ADAP1: variants seen among roughly 807,000 people sequenced by gnomAD.
ADAP1 encodes the protein arf-GAP with dual PH domain-containing protein 1.
ADAP1 carries 31 observed loss-of-function variants against 54.9 expected under a neutral mutation model. The ratio of observed to expected loss-of-function variants is 0.56; its 90% confidence interval spans 0.42 to 0.76. The LOEUF (loss-of-function observed/expected upper bound fraction) is 0.76. Among genes scored for constraint, ADAP1 ranks in the 30% least tolerant of loss-of-function variants. The pLI, the probability that ADAP1 is intolerant of heterozygous loss-of-function variation, is 0.00. For missense variants in ADAP1, 535 were observed against 512.4 expected, an observed-to-expected ratio of 1.04 and a Z score of -0.42; for synonymous variants, 313 against 202.6, an observed-to-expected ratio of 1.55 and a Z score of -4.63.
Position 898,459 on chromosome 7 carries a change from AAT to A in ADAP1, c.*460_*461del, listed in dbSNP as rs1844611548. Reference sequence around the variant, plus strand: ...CGTGACACACAACAGGCGCTCAATAAATAGTCGTGGAGGTGGGGGGAGGGCGG... The same window carrying A: ...CGTGACACACAACAGGCGCTCAATAAAGTCGTGGAGGTGGGGGGAGGGCGG... On this transcript the variant is annotated 3_prime_UTR_variant, in exon 11 of 11. Transcript: ENST00000265846. The A allele has an allele frequency of 4.2e-6, 1 of 236,266 alleles. No homozygotes were observed. The highest frequency in any genetic ancestry group is 5.0e-5 in the Admixed American group (1 of 19,924). The allele number at this position is 236,266 out of a possible 1,614,324, so 14.6% of individuals were successfully genotyped here.
intron 4 of ADAP1, among the ~76,000 whole-genome samples, chr7:914,956 A>G (rs541795097): frequency 4.8e-4 from 73 of 151,826 alleles, no homozygotes; most frequent in African/African-American, 1.8e-3. Flanking sequence ...CCCTGAGCAC[A>G]GGGCCATACG....
intron 9 of ADAP1, 23 bp from the exon 10 acceptor site, chr7:899,284 A>G: frequency 6.2e-7 from 1 of 1,611,626 alleles, no homozygotes; most frequent in Non-Finnish European, 8.5e-7. Context: ...ACCGCACTGG[A>G]GGCGGGGCCA....
chr7:918,800 C>G (rs61296767), intron 4 of ADAP1, among the ~76,000 whole-genome samples: 24,988 of 152,246 alleles, frequency 0.16, 2,186 homozygotes, highest in Middle Eastern at 0.22. Flanking sequence ...ACTCAAGGCC[C>G]ACAGTACCCG....
At chr7:939,019 G>C (rs1346787269) in intron 1 of ADAP1, among the ~76,000 whole-genome samples, 2 of 152,164 alleles carry the variant, frequency 1.3e-5, no homozygotes, top group East Asian at 3.9e-4. Context: ...ACAGAACCCA[G>C]GGAGCTGGGC....
At chr7:906,806 G>GGGTGACACGGGTGACATGGGTGACAC (rs60640246) in intron 4 of ADAP1, among the ~76,000 whole-genome samples, 4 of 44,468 alleles carry the variant, frequency 9.0e-5, no homozygotes, top group African/African-American at 3.6e-4. Flanking sequence ...CAGGGGACAT[G>GGGTGACACGGGTGACATGGGTGACAC]GGGGGACATG....
chr7:898,669 G>C lies in ADAP1; in HGVS notation c.*252C>G. On this transcript the variant is annotated 3_prime_UTR_variant, in exon 11 of 11. Transcript: ENST00000265846. ...GGAAAGGGGGCCCCGGGTCAGGGAG[G>C]GGCAGGTTGGCTGGGTGTGGTCAGC... The C allele has an allele frequency of 1.8e-6, 1 of 566,150 alleles. No homozygotes were observed. The highest frequency in any genetic ancestry group is 3.0e-5 in the East Asian group (1 of 33,248). The allele number at this position is 566,150 out of a possible 1,614,324, so 35.1% of individuals were successfully genotyped here. A position where few individuals can be genotyped will look rare whatever the true frequency, so the allele number is the denominator to read the frequency against.
At chr7:905,891 G>T (rs1845249039) in intron 4 of ADAP1, among the ~76,000 whole-genome samples, 1 of 8,834 alleles carries the variant, frequency 1.1e-4, no homozygotes, top group Non-Finnish European at 2.6e-4. Context: ...GGAGAAAGGA[G>T]AAAGGAGAAA....
At chr7:914,320 CTAT>C (rs1562921596) in intron 4 of ADAP1, among the ~76,000 whole-genome samples, 1 of 152,218 alleles carries the variant, frequency 6.6e-6, no homozygotes, top group Non-Finnish European at 1.5e-5. Flanking sequence ...GCAGGGACTT[CTAT>C]ATTTCCCTGT....
intron 7 of ADAP1, 107 bp downstream of exon 7, chr7:900,426 C>T (rs1041659007): frequency 4.7e-6 from 6 of 1,263,636 alleles, no homozygotes; most frequent in Admixed American, 4.1e-5. Flanking sequence ...GTCCCAGGCC[C>T]ACCCTAGGGC....
At chr7:931,488 G>A (rs6956301) in intron 2 of ADAP1, among the ~76,000 whole-genome samples, 106,000 of 151,884 alleles carry the variant, frequency 0.7, 37,184 homozygotes, top group South Asian at 0.87. Context: ...AAGCTCACAC[G>A]CCGTGCGATC....
chr7:899,413 C>G lies in ADAP1; in HGVS notation c.867+6G>C, dbSNP rs1245249410. On this transcript the variant is annotated splice_donor_region_variant and intron_variant, in intron 9 of 10. Transcript: ENST00000265846. The stretch of plus-strand genomic sequence containing the variant: ...CTCCCGTGCTGGGGCCACAGCTCCT[C>G]CTTACCAGGGGGTCTTTGAAGTACA... 3 of 1,612,864 alleles carry G rather than the reference C, an allele frequency of 1.9e-6. No homozygotes were observed. The highest frequency in any genetic ancestry group is 2.5e-6 in the Non-Finnish European group (3 of 1,179,838).
At chr7:911,975 G>A (rs745693520) in intron 4 of ADAP1, among the ~76,000 whole-genome samples, 6 of 152,234 alleles carry the variant, frequency 3.9e-5, no homozygotes, top group East Asian at 1.9e-4. Flanking sequence ...GTAAAGCCTC[G>A]CGCTGCCTGC....
chr7:927,258 T>C, intron 2 of ADAP1: 1 of 1,243,662 alleles, frequency 8.0e-7, no homozygotes, highest in Non-Finnish European at 1.0e-6. Context: ...AGGCTGTCGT[T>C]CCAGGAGGCT....
chr7:908,536 C>T lies in ADAP1; in HGVS notation c.389-3364G>A, dbSNP rs527335870. Among the ~76,000 whole-genome samples, 355 of 152,338 alleles carry T rather than the reference C, an allele frequency of 2.3e-3. 2 individuals carry two copies. Among genetic ancestry groups the T allele is most frequent in the African/African-American group, 8.1e-3 (335 of 41,586 alleles). On this transcript the variant is annotated intron_variant, in intron 4 of 10. Transcript: ENST00000265846. Reference sequence around the variant, plus strand: ...AGGAGCCCCCTTCCCATGGAAGAACCCCCTTCTCCTGCTTCTCACTGTGAG... The same window carrying T: ...AGGAGCCCCCTTCCCATGGAAGAACTCCCTTCTCCTGCTTCTCACTGTGAG...
intron 4 of ADAP1, among the ~76,000 whole-genome samples, chr7:917,549 C>T (rs956996989): frequency 4.6e-5 from 7 of 152,318 alleles, no homozygotes; most frequent in African/African-American, 1.7e-4. Flanking sequence ...ATTGCAACCT[C>T]CGCCTTCCAG....
chr7:954,744 C>A (rs1187820670), upstream of ADAP1: 41 of 977,728 alleles, frequency 4.2e-5, no homozygotes, highest in Non-Finnish European at 5.0e-5. Context: ...CGGCCCCCAG[C>A]GGTGCAGGCG....
intron 7 of ADAP1, 110 bp from the exon 8 acceptor site, chr7:900,274 C>A (rs1294860018): frequency 7.3e-6 from 10 of 1,361,028 alleles, no homozygotes; most frequent in East Asian, 2.3e-5. Flanking sequence ...AGGTCAGGGC[C>A]CAGGCCTGGC....
At chr7:904,842 C>T (rs1489007339) in intron 5 of ADAP1, among the ~76,000 whole-genome samples, 4 of 152,248 alleles carry the variant, frequency 2.6e-5, no homozygotes, top group Non-Finnish European at 5.9e-5. Flanking sequence ...CCCGGCCGCC[C>T]AGGCTCCTGG....
At chr7:900,917 G>A in intron 6 of ADAP1, 1 of 576,680 alleles carries the variant, frequency 1.7e-6, no homozygotes, top group Non-Finnish European at 3.4e-6. Flanking sequence ...CAGGGTCGGG[G>A]GCTGCCATCC....
Sources: gnomAD v4.1 joint callset for allele counts (sites outside exome capture counted in the v4.1 genomes callset) on GRCh38, gnomAD v4.1.1 for gene constraint, MANE v1.5 for transcripts, NCBI Gene and HGNC (gene_info 2026-07-23, HGNC 2026-07-21) for gene names.